DGKB: variants seen among roughly 807,000 people sequenced by gnomAD.
The protein encoded by DGKB is 90 kDa diacylglycerol kinase.
A neutral mutation model predicts 114.3 loss-of-function variants in DGKB; 67 were observed. The observed-to-expected ratio is 0.59, with a 90% CI of 0.48 to 0.72. The LOEUF (loss-of-function observed/expected upper bound fraction) is 0.72. DGKB is among the 30% of genes least tolerant of loss of function. DGKB has a pLI of 0.00. For missense variants in DGKB, 907 were observed against 975.2 expected (o/e 0.93, Z 0.93); for synonymous variants, 398 against 323.1 (o/e 1.23, Z -2.49).
chr7:14,628,065 A>C (rs940836809), intron 14 of DGKB, among the ~76,000 whole-genome samples: 1 of 152,168 alleles, frequency 6.6e-6, no homozygotes, highest in Non-Finnish European at 1.5e-5. Flanking sequence ...GAAAGTAAGT[A>C]CCAGGAGGCA....
chr7:14,556,003 T>C (rs1795814537), intron 20 of DGKB, among the ~76,000 whole-genome samples: 1 of 152,224 alleles, frequency 6.6e-6, no homozygotes, highest in Admixed American at 6.5e-5. Context: ...TTTGCTTTCT[T>C]AATAAACTTG....
At chr7:14,368,028 TTTC>T (rs779652956) in intron 21 of DGKB, among the ~76,000 whole-genome samples, 10 of 152,178 alleles carry the variant, frequency 6.6e-5, no homozygotes, top group Admixed American at 2.0e-4. Context: ...GACATGATAT[TTTC>T]TTTTTTTAAT....
intron 23 of DGKB, among the ~76,000 whole-genome samples, chr7:14,314,495 C>T (rs539774430): frequency 0.012 from 1,883 of 152,006 alleles, 41 homozygotes; most frequent in African/African-American, 0.043. Context: ...GCAGAAGGCT[C>T]AGGAGCCGAT....
chr7:14,491,664 T>C (rs1015115409), intron 20 of DGKB, among the ~76,000 whole-genome samples: 1 of 152,108 alleles, frequency 6.6e-6, no homozygotes, highest in African/African-American at 2.4e-5. Flanking sequence ...ATAATTCTAT[T>C]CTTAACATAA....
chr7:14,293,592 A>G (rs2128475605), intron 23 of DGKB, among the ~76,000 whole-genome samples: 1 of 152,320 alleles, frequency 6.6e-6, no homozygotes, highest in African/African-American at 2.4e-5. Context: ...ATCACCAAAA[A>G]TAACTAATGG....
chr7:14,239,238 A>C (rs1312403812), intron 23 of DGKB, among the ~76,000 whole-genome samples: 1 of 152,094 alleles, frequency 6.6e-6, no homozygotes, highest in Non-Finnish European at 1.5e-5. Flanking sequence ...AAAGCTTATA[A>C]AAAAGTGCAG....
intron 1 of DGKB, among the ~76,000 whole-genome samples, chr7:14,850,747 C>A (rs1369585187): frequency 6.6e-6 from 1 of 152,112 alleles, no homozygotes; most frequent in Admixed American, 6.6e-5. Flanking sequence ...GAGTTAAAAG[C>A]CAATTGCATA....
intron 20 of DGKB, among the ~76,000 whole-genome samples, chr7:14,564,735 C>T (rs557764498): frequency 5.3e-5 from 8 of 151,970 alleles, no homozygotes; most frequent in South Asian, 4.2e-4. Flanking sequence ...TCTATTTAGT[C>T]GGCCATTCTT....
At chr7:14,605,994 A>T (rs890371198) in intron 17 of DGKB, among the ~76,000 whole-genome samples, 2 of 152,080 alleles carry the variant, frequency 1.3e-5, no homozygotes, top group African/African-American at 4.8e-5. Flanking sequence ...GAGCCAATTG[A>T]CCTCTTGTTT....
intron 23 of DGKB, among the ~76,000 whole-genome samples, chr7:14,237,358 A>C (rs1017190366): frequency 6.6e-6 from 1 of 150,924 alleles, no homozygotes; most frequent in Non-Finnish European, 1.5e-5. Flanking sequence ...CCTTCCTTCT[A>C]TTACTTTTGA....
At chr7:14,371,442 C>T (rs1817631785) in intron 21 of DGKB, among the ~76,000 whole-genome samples, 1 of 151,990 alleles carries the variant, frequency 6.6e-6, no homozygotes, top group Non-Finnish European at 1.5e-5. Flanking sequence ...AGTAATTTTT[C>T]ATGTTTGTTG....
At chr7:14,973,548 T>TC (rs1190968901) in intron 1 of DGKB, among the ~76,000 whole-genome samples, 1 of 149,600 alleles carries the variant, frequency 6.7e-6, no homozygotes, top group East Asian at 1.9e-4. Context: ...CTTTTTTTTT[T>TC]CTTTTTTGTT....
At chr7:14,188,888 T>G (rs529881504) in intron 23 of DGKB, among the ~76,000 whole-genome samples, 1 of 152,026 alleles carries the variant, frequency 6.6e-6, no homozygotes, top group African/African-American at 2.4e-5. Context: ...ATATTCAAAG[T>G]GCTGAAAGAA....
At chr7:14,377,100 A>G (rs1457692513) in intron 21 of DGKB, among the ~76,000 whole-genome samples, 2 of 152,202 alleles carry the variant, frequency 1.3e-5, no homozygotes, top group Non-Finnish European at 2.9e-5. Flanking sequence ...CTGAACCATG[A>G]GAACCCCTAA....
At chr7:14,443,799 T>C (rs1830386161) in intron 21 of DGKB, among the ~76,000 whole-genome samples, 2 of 152,094 alleles carry the variant, frequency 1.3e-5, no homozygotes, top group Non-Finnish European at 1.5e-5. Flanking sequence ...ATAGGATTTA[T>C]TATGATCCCT....
chr7:14,409,683 T>C (rs572234362), intron 21 of DGKB, among the ~76,000 whole-genome samples: 2,629 of 9,276 alleles, frequency 0.28, 829 homozygotes, highest in African/African-American at 0.48. Context: ...GTCCGCAGTC[T>C]GGCCTGGGCG....
chr7:14,583,377 CT>C (rs1443593498), intron 17 of DGKB, among the ~76,000 whole-genome samples: 1 of 151,660 alleles, frequency 6.6e-6, no homozygotes, highest in African/African-American at 2.4e-5. Context: ...TACTCTTTTT[CT>C]TTAATAAACT....
chr7:14,940,634 G>T (rs1785523171), intron 1 of DGKB, among the ~76,000 whole-genome samples: 1 of 152,000 alleles, frequency 6.6e-6, no homozygotes, highest in African/African-American at 2.4e-5. Flanking sequence ...TAGTTAAATA[G>T]ATCAATAAGG....
intron 21 of DGKB, among the ~76,000 whole-genome samples, chr7:14,398,865 A>G (rs530450189): frequency 3.6e-4 from 55 of 152,046 alleles, no homozygotes; most frequent in African/African-American, 1.2e-3. Flanking sequence ...TTTGAAATTC[A>G]TTAAGGTTTT....
Sources: gnomAD v4.1 joint callset for allele counts (sites outside exome capture counted in the v4.1 genomes callset) on GRCh38, gnomAD v4.1.1 for gene constraint, MANE v1.5 for transcripts, NCBI Gene and HGNC (gene_info 2026-07-23, HGNC 2026-07-21) for gene names.